TAOK1: variants seen among roughly 807,000 people sequenced by gnomAD.
TAOK1 encodes TAO kinase 1.
In TAOK1, 21 loss-of-function variants were observed where a neutral mutation model predicts 138.3. The observed-to-expected ratio is 0.15, with a 90% confidence interval of 0.11 to 0.22. TAOK1 has a LOEUF of 0.22. Among genes scored for constraint, TAOK1 ranks in the 10% least tolerant of loss-of-function variants. TAOK1 has a pLI of 1.00. For missense variants in TAOK1, 651 were observed against 1,227.7 expected (o/e 0.53, Z 7.02); for synonymous variants, 361 against 398.4 (o/e 0.91, Z 1.12).
chr17:29,515,702 G>A (rs912306976), intron 15 of TAOK1, among the ~76,000 whole-genome samples: 4 of 151,832 alleles, frequency 2.6e-5, no homozygotes, highest in African/African-American at 7.2e-5. Context: ...GGGCATGCTG[G>A]CAGATGCCTG....
chr17:29,433,424 CAAA>C (rs35805615), intron 1 of TAOK1, among the ~76,000 whole-genome samples: 4 of 91,484 alleles, frequency 4.4e-5, no homozygotes, highest in Non-Finnish European at 4.5e-5. Flanking sequence ...GACTCTGTCT[CAAA>C]AAAAAAAAAA....
In TAOK1 at chr17:29,410,533, G is replaced by A. The variant is rs1032827265; in HGVS notation, c.-95+19509G>A. On this transcript the variant is annotated intron_variant, in intron 1 of 19. Coordinates refer to ENST00000261716, the MANE Select transcript of TAOK1 (RefSeq NM_020791.4). Reference sequence around the variant, plus strand: ...CTCCCAAAGTGCTGGGATAACAGGCGCGAGCCACCACAACTGGCCTATATG... The same window carrying A: ...CTCCCAAAGTGCTGGGATAACAGGCACGAGCCACCACAACTGGCCTATATG... Among the ~76,000 whole-genome samples the A allele has an allele frequency of 1.8e-4, 27 of 151,656 alleles. 1 individual carries two copies. Among genetic ancestry groups the A allele is most frequent in the African/African-American group, 5.6e-4 (23 of 41,346 alleles).
At chr17:29,515,727 C>T (rs62066626) in intron 15 of TAOK1, among the ~76,000 whole-genome samples, 24,056 of 151,414 alleles carry the variant, frequency 0.16, 2,054 homozygotes, top group Admixed American at 0.21. Flanking sequence ...CCCAGCTACT[C>T]AGGAGGCTGA....
chr17:29,494,577 A>T (rs1310458923), intron 10 of TAOK1, among the ~76,000 whole-genome samples: 1 of 152,178 alleles, frequency 6.6e-6, no homozygotes, highest in African/African-American at 2.4e-5. Flanking sequence ...CTGTAATCCC[A>T]GCACTTTGGG....
At chr17:29,397,200 C>G (rs1904636178) in intron 1 of TAOK1, among the ~76,000 whole-genome samples, 1 of 151,804 alleles carries the variant, frequency 6.6e-6, no homozygotes, top group Non-Finnish European at 1.5e-5. Context: ...GAGGCTGAGG[C>G]AGGAGAATCA....
At chr17:29,489,578 AT>A in intron 8 of TAOK1, 85 bp from the exon 9 acceptor site, 3 of 842,102 alleles carry the variant, frequency 3.6e-6, no homozygotes, top group Admixed American at 2.9e-5. Context: ...AAATAAAATC[AT>A]TTAAAAAAAA....
chr17:29,421,176 G>C (rs533993981), intron 1 of TAOK1, among the ~76,000 whole-genome samples: 2 of 149,538 alleles, frequency 1.3e-5, no homozygotes, highest in Non-Finnish European at 3.0e-5. Context: ...TGATCCGCCC[G>C]CCTTGGCCTC....
chr17:29,413,436 A>T (rs1343140922), intron 1 of TAOK1, among the ~76,000 whole-genome samples: 3 of 152,066 alleles, frequency 2.0e-5, no homozygotes, highest in African/African-American at 7.2e-5. Flanking sequence ...TCTCTACAAA[A>T]AGTACAAAAA....
At chr17:29,409,484 G>T (rs980720020) in intron 1 of TAOK1, among the ~76,000 whole-genome samples, 5 of 151,200 alleles carry the variant, frequency 3.3e-5, no homozygotes, top group African/African-American at 9.7e-5. Context: ...ACAGGCGTCC[G>T]CACCATATCT....
rs552781117 is a variant in TAOK1 at position 29,396,049 on chromosome 17, A to G, written c.-95+5025A>G. Reference sequence around the variant, plus strand: ...CTATTATAAAATATGAGAGGATACAACCTGTATTAGTTCATTCCATTCTTA... The same window carrying G: ...CTATTATAAAATATGAGAGGATACAGCCTGTATTAGTTCATTCCATTCTTA... On this transcript the variant is annotated intron_variant, in intron 1 of 19. Transcript: ENST00000261716. Among the ~76,000 whole-genome samples the G allele has an allele frequency of 3.9e-5, 6 of 152,210 alleles. No individual in the cohort carries two copies. The East Asian group carries it at 9.6e-4, about 24-fold the overall frequency.
chr17:29,489,059 A>T (rs1942837476), intron 8 of TAOK1, among the ~76,000 whole-genome samples: 1 of 152,256 alleles, frequency 6.6e-6, no homozygotes, highest in African/African-American at 2.4e-5. Flanking sequence ...GTGTAGTCTT[A>T]TATCACTATT....
In TAOK1 at chr17:29,391,063, G is replaced by T. The variant is rs1403205336; in HGVS notation, c.-95+39G>T. ...TGCTTTGGGAAAGGGGGATATAGAG[G>T]GGGGCGGGGAAATTCGGCCCACTCG... is the stretch of plus-strand genomic sequence containing the variant. On this transcript the variant is annotated intron_variant, in intron 1 of 19. Coordinates refer to ENST00000261716, the MANE Select transcript of TAOK1 (RefSeq NM_020791.4). The T allele has an allele frequency of 2.6e-5, 4 of 152,604 alleles. No individual in the cohort carries two copies. The East Asian group carries it at 7.7e-4, about 29-fold the overall frequency. The allele number at this position is 152,604 out of a possible 1,614,324, so 9.5% of individuals were successfully genotyped here.
chr17:29,392,331 A>T (rs889807706), intron 1 of TAOK1, among the ~76,000 whole-genome samples: 1 of 152,018 alleles, frequency 6.6e-6, no homozygotes, highest in Admixed American at 6.6e-5. Flanking sequence ...TTGAAATTGG[A>T]TTTTTTTTAA....
At chr17:29,530,767 C>T (rs1041468925) in intron 18 of TAOK1, 148 bp downstream of exon 18, 1 of 671,320 alleles carries the variant, frequency 1.5e-6, no homozygotes, top group Non-Finnish European at 2.6e-6. Flanking sequence ...TCTTCCTGTT[C>T]TCAACATTGC....
At chr17:29,463,252 G>A (rs1171966643) in intron 2 of TAOK1, among the ~76,000 whole-genome samples, 2 of 151,764 alleles carry the variant, frequency 1.3e-5, no homozygotes, top group Non-Finnish European at 2.9e-5. Context: ...AATGAAATTG[G>A]ACTGCTGCCT....
At chr17:29,411,763 C>G (rs570194562) in intron 1 of TAOK1, among the ~76,000 whole-genome samples, 1 of 152,106 alleles carries the variant, frequency 6.6e-6, no homozygotes, top group South Asian at 2.1e-4. Context: ...GATGTACAAA[C>G]AATAAAGTGC....
At chr17:29,479,050 G>C (rs752406508) in intron 6 of TAOK1, among the ~76,000 whole-genome samples, 1 of 151,968 alleles carries the variant, frequency 6.6e-6, no homozygotes, top group Non-Finnish European at 1.5e-5. Context: ...ACTTGAGCCC[G>C]GGAGGCGGAG....
At chr17:29,495,769 T>G in intron 11 of TAOK1, 42 bp downstream of exon 11, 1 of 1,462,272 alleles carries the variant, frequency 6.8e-7, no homozygotes, top group Non-Finnish European at 9.1e-7. Context: ...ATTTTCACTT[T>G]TGGTTTCTTT....
rs2032341576 is a variant in TAOK1, at chr17:29,542,798, G to A, written c.2782G>A (p.Gly928Ser). ...PGPHWGHPMG[G>S]PPQAWGHPMQ... ...ACCTCACTGGGGTCATCCCATGGGT[G>A]GCCCACCACAAGCTTGGGGCCATCC... Residue 928 changes from glycine (G) to serine (S), a missense_variant, in exon 20 of 20, where the codon GGC becomes AGC. This residue lies in a region of TAOK1 where 108 missense variants were observed against 120.3 expected (regional missense o/e 0.90). Transcript: ENST00000261716. 2.5e-6 allele frequency: 4 copies of A among 1,614,014 alleles called. No individual in the cohort carries two copies. The South Asian group carries it at 3.3e-5, about 13-fold the overall frequency.
Sources: allele counts gnomAD v4.1 joint callset (sites outside exome capture counted in the v4.1 genomes callset), GRCh38; gene constraint gnomAD v4.1.1; regional missense constraint gnomAD v4.1.1; transcripts MANE v1.5; gene names NCBI Gene and HGNC (gene_info 2026-07-23, HGNC 2026-07-21).